Variants in MCC observed in about 807,000 individuals in gnomAD.
The protein encoded by MCC is colorectal mutant cancer protein.
A neutral mutation model predicts 116.2 loss-of-function variants in MCC; 90 were observed. That is an observed-to-expected ratio of 0.77 (90% CI 0.65 to 0.92). MCC has a LOEUF of 0.92. Among genes scored for constraint, MCC ranks in the 40% least tolerant of loss-of-function variants. The probability of loss-of-function intolerance (pLI) is 0.00; values close to 1 mark genes in which losing one functional copy is unlikely to be tolerated. For synonymous variants in MCC, 578 were observed against 510.5 expected (o/e 1.13, Z -1.78); for missense variants, 1,516 against 1,312.2 (o/e 1.16, Z -2.40).
chr5:113,190,765 T>G (rs1762117479), intron 3 of MCC, among the ~76,000 whole-genome samples: 1 of 152,130 alleles, frequency 6.6e-6, no homozygotes, highest in Non-Finnish European at 1.5e-5. Context: ...CAAGAGGAAG[T>G]GTATGAAACA....
chr5:113,235,668 G>C (rs1226742038), intron 3 of MCC, among the ~76,000 whole-genome samples: 1 of 152,220 alleles, frequency 6.6e-6, no homozygotes, highest in Non-Finnish European at 1.5e-5. Flanking sequence ...AGGAGATTCA[G>C]TACTTGGAAA....
chr5:113,183,253 T>C (rs2150310036), intron 3 of MCC, among the ~76,000 whole-genome samples: 1 of 152,162 alleles, frequency 6.6e-6, no homozygotes, highest in East Asian at 1.9e-4. Context: ...GTCTGGAAAA[T>C]CTAAGCTGTG....
intron 1 of MCC, among the ~76,000 whole-genome samples, chr5:113,405,317 G>C (rs1769797866): frequency 6.6e-6 from 1 of 152,210 alleles, no homozygotes; most frequent in Admixed American, 6.5e-5. Context: ...AAGTGTATCA[G>C]TTAATCTTCT....
chr5:113,339,293 A>C (rs1385423391), intron 3 of MCC, among the ~76,000 whole-genome samples: 1 of 152,050 alleles, frequency 6.6e-6, no homozygotes, highest in Admixed American at 6.6e-5. Context: ...CATATACCCC[A>C]CAAATAGTTT....
chr5:113,113,828 G>A (rs543799722), intron 6 of MCC, among the ~76,000 whole-genome samples: 2 of 152,178 alleles, frequency 1.3e-5, no homozygotes, highest in Admixed American at 1.3e-4. Flanking sequence ...TTAAAGGAGA[G>A]TCAAAAGACA....
At chr5:113,414,521 A>G (rs1463641292) in intron 1 of MCC, among the ~76,000 whole-genome samples, 1 of 152,150 alleles carries the variant, frequency 6.6e-6, no homozygotes, top group Non-Finnish European at 1.5e-5. Context: ...ACCATTATGT[A>G]ATGGCCTTTG....
At chr5:113,433,890 T>A (rs561351274) in intron 1 of MCC, 1 of 1,614,010 alleles carries the variant, frequency 6.2e-7, no homozygotes. Flanking sequence ...GGGCTGTGCC[T>A]CTCCCTCAGG....
intron 3 of MCC, among the ~76,000 whole-genome samples, chr5:113,158,602 C>T (rs1453379440): frequency 6.6e-5 from 10 of 152,282 alleles, no homozygotes; most frequent in Non-Finnish European, 1.5e-4. Context: ...GGGCTAGGCA[C>T]ATTACATGCC....
At chr5:113,044,688 C>A (rs1050967519) in intron 16 of MCC, among the ~76,000 whole-genome samples, 3 of 152,218 alleles carry the variant, frequency 2.0e-5, no homozygotes, top group African/African-American at 7.2e-5. Context: ...GATTCTCCCA[C>A]CTCAGCCTCC....
intron 11 of MCC, among the ~76,000 whole-genome samples, chr5:113,073,355 G>A (rs996509572): frequency 3.9e-5 from 6 of 152,204 alleles, no homozygotes; most frequent in Non-Finnish European, 5.9e-5. Context: ...AGATTGTGCT[G>A]CTTCCACTCT....
intron 11 of MCC, among the ~76,000 whole-genome samples, chr5:113,072,247 C>T (rs971749406): frequency 6.6e-6 from 1 of 152,164 alleles, no homozygotes; most frequent in Non-Finnish European, 1.5e-5. Flanking sequence ...AGACTCAAGC[C>T]TTAGAGCAGA....
rs200787776 is a variant in MCC at position 113,184,472 on chromosome 5, G to GTTTT, written c.628-33054_628-33051dup. Among the ~76,000 whole-genome samples, 323 of 123,626 alleles carry GTTTT rather than the reference G, an allele frequency of 2.6e-3. 9 individuals carry two copies. The highest frequency in any genetic ancestry group is 4.0e-3 in the African/African-American group (127 of 31,624). 81.1% of individuals were successfully genotyped at this position (123,626 alleles called of 152,430 possible). On this transcript the variant is annotated intron_variant, in intron 3 of 18. Coordinates refer to ENST00000408903, the MANE Select transcript of MCC (RefSeq NM_001085377.2). Reference sequence around the variant, plus strand: ...ACATAGCAATTTAGTTTCTTTCTTCGTTTTTTGTTTTTTTTTTTTTTTTTT... The same window carrying GTTTT: ...ACATAGCAATTTAGTTTCTTTCTTCGTTTTTTTTTTGTTTTTTTTTTTTTTTTTT...
At chr5:113,213,031 C>T (rs776605278) in intron 3 of MCC, among the ~76,000 whole-genome samples, 6 of 151,962 alleles carry the variant, frequency 3.9e-5, no homozygotes, top group Non-Finnish European at 5.9e-5. Context: ...TTTTTGTGTG[C>T]GTTTTAAAAT....
chr5:113,043,680 A>G (rs1224113664), intron 16 of MCC, 50 bp from the exon 17 acceptor site: 9 of 1,395,004 alleles, frequency 6.5e-6, no homozygotes, highest in Admixed American at 1.7e-5. Context: ...AGCCGGCAGC[A>G]CCCTGGAAGC....
chr5:113,203,530 G>A (rs1243288442), intron 3 of MCC, among the ~76,000 whole-genome samples: 1 of 151,732 alleles, frequency 6.6e-6, no homozygotes, highest in Non-Finnish European at 1.5e-5. Context: ...CCTGCCCGGG[G>A]GGCCACCGAA....
At chr5:113,136,373 G>A (rs1271248468) in intron 5 of MCC, among the ~76,000 whole-genome samples, 1 of 152,132 alleles carries the variant, frequency 6.6e-6, no homozygotes, top group African/African-American at 2.4e-5. Flanking sequence ...ACCTACTGAT[G>A]GTACAGCTCA....
chr5:113,292,327 G>A (rs1766530989), intron 3 of MCC, among the ~76,000 whole-genome samples: 2 of 152,118 alleles, frequency 1.3e-5, no homozygotes, highest in South Asian at 4.2e-4. Context: ...TTGGAAAGAG[G>A]TACAACTAAA....
chr5:113,207,869 GT>G (rs1561458209), intron 3 of MCC, among the ~76,000 whole-genome samples: 1 of 152,140 alleles, frequency 6.6e-6, no homozygotes, highest in Admixed American at 6.5e-5. Context: ...TGGAGGCCAC[GT>G]TAAAGTGGTC....
At chr5:113,040,264 A>G (rs964377066) in intron 17 of MCC, among the ~76,000 whole-genome samples, 4 of 152,028 alleles carry the variant, frequency 2.6e-5, no homozygotes, top group Non-Finnish European at 4.4e-5. Context: ...GCTGAGTGAC[A>G]AGGGCTGGCC....
Sources: gnomAD v4.1 joint callset for allele counts (sites outside exome capture counted in the v4.1 genomes callset) on GRCh38, gnomAD v4.1.1 for gene constraint, MANE v1.5 for transcripts, NCBI Gene and HGNC (gene_info 2026-07-23, HGNC 2026-07-21) for gene names.